Variants in MAST4 observed in about 807,000 individuals in gnomAD.
MAST4 encodes the protein microtubule-associated serine/threonine-protein kinase 4.
Under a neutral mutation model 162.7 loss-of-function variants are expected in MAST4, and 89 were observed. The ratio of observed to expected loss-of-function variants is 0.55; its 90% CI spans 0.46 to 0.65. The LOEUF (loss-of-function observed/expected upper bound fraction) is 0.65, where lower values mean the gene tolerates loss of function less well. MAST4 is among the 30% of genes least tolerant of loss of function. The pLI is 0.00. For missense variants in MAST4, 3,153 were observed against 3,374.0 expected (o/e 0.93, Z 1.62); for synonymous variants, 1,479 against 1,361.1 (o/e 1.09, Z -1.91).
At chr5:66,631,245 G>A (rs1189993038) in intron 1 of MAST4, among the ~76,000 whole-genome samples, 1 of 152,152 alleles carries the variant, frequency 6.6e-6, no homozygotes, top group African/African-American at 2.4e-5. Context: ...GGACTGAACT[G>A]ACTTTTTGTT....
chr5:66,742,359 T>C (rs1180049540), intron 1 of MAST4, among the ~76,000 whole-genome samples: 1 of 152,170 alleles, frequency 6.6e-6, no homozygotes, highest in African/African-American at 2.4e-5. Context: ...GTGTGTTTTG[T>C]TTTTGCCCTT....
chr5:66,859,795 A>G (rs143659007), intron 3 of MAST4, among the ~76,000 whole-genome samples: 144 of 152,366 alleles, frequency 9.5e-4, no homozygotes, highest in African/African-American at 3.2e-3. Context: ...GTGTGATAGC[A>G]GTGATGGCAG....
chr5:67,144,709 A>C lies in MAST4; in HGVS notation c.2771A>C (p.Glu924Ala), dbSNP rs768882713. ...GATCGAATCACTCAGAATTCAGCAG[A>C]AGAGAAGGAAGACTCTGTGGACAAA... The part of the protein sequence containing the change: ...SIDRITQNSA[E>A]EKEDSVDKTK... The change falls in exon 22 of 29, where the codon GAA (glutamate) becomes GCA (alanine). Residue 924 changes from glutamate to alanine, a missense_variant. Transcript: ENST00000403625. 1 of 1,613,990 alleles carries C rather than the reference A, an allele frequency of 6.2e-7. No individual in the cohort carries two copies. The highest frequency in any genetic ancestry group is 1.1e-5 in the South Asian group (1 of 91,078).
intron 5 of MAST4, among the ~76,000 whole-genome samples, chr5:67,073,447 A>G (rs555069319): frequency 1.1e-4 from 16 of 152,368 alleles, no homozygotes; most frequent in Admixed American, 3.9e-4. Context: ...CTGCAGAGGC[A>G]GGACTCGGCT....
chr5:67,090,261 G>T, intron 6 of MAST4, 30 bp downstream of exon 6: 1 of 1,561,758 alleles, frequency 6.4e-7, no homozygotes, highest in Non-Finnish European at 8.8e-7. Flanking sequence ...GGAGGCATAA[G>T]GTCTTATAGA....
chr5:66,615,468 C>G (rs1743609357), intron 1 of MAST4, among the ~76,000 whole-genome samples: 1 of 152,074 alleles, frequency 6.6e-6, no homozygotes. Flanking sequence ...CGAGGAATAG[C>G]TCTGAGGGAT....
Position 67,167,236 on chromosome 5 carries a change from G to T in MAST4, c.*185G>T. On this transcript the variant is annotated 3_prime_UTR_variant, in exon 29 of 29. Transcript: ENST00000403625. ...CCAGATGCCTTCCCAGTTGTAACCGGTAAAACTGTTACCAGATAGTGTTTG... is the reference window on the plus strand; with the variant it reads ...CCAGATGCCTTCCCAGTTGTAACCGTTAAAACTGTTACCAGATAGTGTTTG... The T allele has an allele frequency of 1.2e-5, 2 of 163,534 alleles. No homozygotes were observed. The highest frequency in any genetic ancestry group is 2.3e-5 in the Non-Finnish European group (2 of 86,282). The allele number at this position is 163,534 out of a possible 1,614,324, so 10.1% of individuals were successfully genotyped here.
intron 1 of MAST4, among the ~76,000 whole-genome samples, chr5:66,609,939 A>G (rs973259007): frequency 6.6e-6 from 1 of 152,074 alleles, no homozygotes; most frequent in East Asian, 1.9e-4. Flanking sequence ...AGTACCACAC[A>G]TTAGGTGACC....
chr5:66,630,074 A>G (rs1280294742), intron 1 of MAST4, among the ~76,000 whole-genome samples: 3 of 152,132 alleles, frequency 2.0e-5, no homozygotes, highest in African/African-American at 7.2e-5. Context: ...TACATATTAG[A>G]ATCATTAGAG....
At position 66,613,206 on chromosome 5, in the gene MAST4, G is replaced by A. The variant is rs146693207; in HGVS notation, c.363+16188G>A. On this transcript the variant is annotated intron_variant, in intron 1 of 28. Transcript: ENST00000403625. Reference sequence around the variant, plus strand: ...GCTAGGATTACAGGTGTGAGCCAGTGTGCCCGGCCCAATTAATACCATCTA... The same window carrying A: ...GCTAGGATTACAGGTGTGAGCCAGTATGCCCGGCCCAATTAATACCATCTA... Among the ~76,000 whole-genome samples, 630 of 152,206 alleles carry A rather than the reference G, an allele frequency of 4.1e-3. 6 individuals carry two copies. Among genetic ancestry groups the A allele is most frequent in the African/African-American group, 0.014 (602 of 41,530 alleles).
At chr5:66,615,532 T>C (rs1458456541) in intron 1 of MAST4, among the ~76,000 whole-genome samples, 1 of 152,048 alleles carries the variant, frequency 6.6e-6, no homozygotes, top group East Asian at 1.9e-4. Flanking sequence ...AAGAGAAAAG[T>C]AGCCAGGCAT....
chr5:66,757,293 A>C (rs1753598821), intron 1 of MAST4, among the ~76,000 whole-genome samples: 1 of 152,238 alleles, frequency 6.6e-6, no homozygotes, highest in African/African-American at 2.4e-5. Context: ...AGAGAAAATA[A>C]GTAAGTAGAA....
chr5:66,762,841 G>T (rs1753914764), intron 2 of MAST4, among the ~76,000 whole-genome samples: 1 of 152,098 alleles, frequency 6.6e-6, no homozygotes. Flanking sequence ...GTTTATGGTT[G>T]GACAGTTTTG....
chr5:66,623,925 A>C (rs1744238475), intron 1 of MAST4, among the ~76,000 whole-genome samples: 1 of 152,200 alleles, frequency 6.6e-6, no homozygotes, highest in Non-Finnish European at 1.5e-5. Flanking sequence ...AAGATACAAA[A>C]ATCAACATAC....
chr5:66,691,144 A>G (rs1202656755), intron 1 of MAST4, among the ~76,000 whole-genome samples: 7 of 152,184 alleles, frequency 4.6e-5, no homozygotes, highest in Non-Finnish European at 8.8e-5. Context: ...TGTTCTTGTC[A>G]GTCATTAGAC....
intron 3 of MAST4, among the ~76,000 whole-genome samples, chr5:66,839,001 A>C (rs1758231093): frequency 6.6e-6 from 1 of 152,178 alleles, no homozygotes; most frequent in Non-Finnish European, 1.5e-5. Context: ...GAAAAGAAGT[A>C]AGATAAACAG....
At position 67,164,547 on chromosome 5, in the gene MAST4, C is replaced by G; in HGVS notation, c.5368C>G (p.Leu1790Val). ...TAGGAAGAGCCCCTCCGAGTATAAG[C>G]TGGAAGGTAGGTCTGTCTCATGCCT... is the stretch of plus-strand genomic sequence containing the variant. ...PVRKSPSEYK[L>V]EGRSVSCLKP... Residue 1790 changes from leucine (L) to valine (V), a missense_variant, in exon 29 of 29, where the codon CTG becomes GTG. Coordinates refer to ENST00000403625, the MANE Select transcript of MAST4 (RefSeq NM_001164664.2). This position sits in a 1 kb window ranked among gnomAD's most constrained non-coding sequence, Gnocchi z 5.3. The G allele has an allele frequency of 2.5e-6, 4 of 1,613,966 alleles. No individual in the cohort carries two copies. Among genetic ancestry groups the G allele is most frequent in the Non-Finnish European group, 3.4e-6 (4 of 1,179,880 alleles).
intron 2 of MAST4, among the ~76,000 whole-genome samples, chr5:66,785,426 T>C (rs1466865203): frequency 2.0e-5 from 3 of 152,190 alleles, no homozygotes; most frequent in African/African-American, 7.2e-5. Context: ...CCTAAACATA[T>C]GTGATGAATA....
chr5:67,026,489 A>G (rs1022422037), intron 4 of MAST4, among the ~76,000 whole-genome samples: 9 of 152,230 alleles, frequency 5.9e-5, no homozygotes, highest in African/African-American at 2.2e-4. Context: ...TCTGCTGGTG[A>G]AATGTAATTC....
Sources: gnomAD v4.1 joint callset for allele counts (sites outside exome capture counted in the v4.1 genomes callset) on GRCh38, gnomAD v4.1.1 for gene constraint, Gnocchi (gnomAD v3.1) non-coding constraint, MANE v1.5 for transcripts, NCBI Gene and HGNC (gene_info 2026-07-23, HGNC 2026-07-21) for gene names.